Variants in TMEM117 observed in about 807,000 individuals in gnomAD.
TMEM117 encodes transmembrane protein 117.
Under a neutral mutation model 52.4 loss-of-function variants are expected in TMEM117, and 27 were observed. The ratio of observed to expected loss-of-function variants is 0.51; its 90% CI spans 0.38 to 0.71. The LOEUF (loss-of-function observed/expected upper bound fraction) is 0.71. TMEM117 is among the 30% of genes least tolerant of loss of function. The probability of loss-of-function intolerance (pLI) is 0.00; values close to 1 mark genes in which losing one functional copy is unlikely to be tolerated. For synonymous variants in TMEM117, 215 were observed against 206.3 expected (o/e 1.04, Z -0.36); for missense variants, 556 against 630.5 (o/e 0.88, Z 1.26).
chr12:44,240,233 A>G (rs936434701), intron 5 of TMEM117, among the ~76,000 whole-genome samples: 1 of 152,148 alleles, frequency 6.6e-6, no homozygotes, highest in Non-Finnish European at 1.5e-5. Flanking sequence ...ATTCTAATTT[A>G]TGGGTCACAG....
chr12:43,943,949 A>C (rs1333594461), intron 2 of TMEM117, among the ~76,000 whole-genome samples: 1 of 152,244 alleles, frequency 6.6e-6, no homozygotes. Flanking sequence ...ATGATGAACT[A>C]TCTCTGAACA....
At chr12:43,823,922 A>C in the TMEM117 span, among the ~76,000 whole-genome samples, 1 of 152,220 alleles carries the variant, frequency 6.6e-6, no homozygotes, top group Admixed American at 6.5e-5. Flanking sequence ...GATAAGAAAC[A>C]TTTGTGCCAG....
chr12:44,027,173 T>A (rs1455923321), intron 3 of TMEM117, among the ~76,000 whole-genome samples: 1 of 143,524 alleles, frequency 7.0e-6, no homozygotes, highest in Non-Finnish European at 1.5e-5. Context: ...TATTTTATTT[T>A]ATTTTATTTT....
chr12:44,240,381 G>A (rs1457283610), intron 5 of TMEM117, among the ~76,000 whole-genome samples: 2 of 152,046 alleles, frequency 1.3e-5, no homozygotes, highest in African/African-American at 4.8e-5. Flanking sequence ...TTTATACCCT[G>A]TTGGCTCAAA....
chr12:43,872,455 A>G (rs968746279), intron 2 of TMEM117, among the ~76,000 whole-genome samples: 3 of 152,230 alleles, frequency 2.0e-5, no homozygotes, highest in African/African-American at 4.8e-5. Flanking sequence ...GGTATTAAGA[A>G]ATAACTTTTC....
intron 3 of TMEM117, among the ~76,000 whole-genome samples, chr12:44,051,678 G>C (rs1016553926): frequency 1.3e-5 from 2 of 152,150 alleles, no homozygotes; most frequent in East Asian, 1.9e-4. Flanking sequence ...TGCATAAAAT[G>C]GTAACGAGAC....
chr12:44,210,357 A>G (rs919606648), intron 4 of TMEM117, among the ~76,000 whole-genome samples: 1 of 152,160 alleles, frequency 6.6e-6, no homozygotes, highest in Non-Finnish European at 1.5e-5. Flanking sequence ...TAATAGATTA[A>G]CTATTTATAA....
chr12:44,194,391 G>A (rs1049618163), intron 4 of TMEM117, among the ~76,000 whole-genome samples: 1 of 152,166 alleles, frequency 6.6e-6, no homozygotes, highest in Non-Finnish European at 1.5e-5. Context: ...CAGTAGAATG[G>A]TGATATTGAT....
At chr12:44,089,874 CAAAT>C (rs1292712239) in intron 3 of TMEM117, among the ~76,000 whole-genome samples, 2 of 152,278 alleles carry the variant, frequency 1.3e-5, no homozygotes, top group African/African-American at 4.8e-5. Flanking sequence ...AATTCTTAAA[CAAAT>C]AGGTGTGGCT....
Position 44,212,531 on chromosome 12 carries a change from A to G in TMEM117, c.608+1144A>G, listed in dbSNP as rs1407540784. Among the ~76,000 whole-genome samples the G allele has an allele frequency of 3.3e-5, 5 of 152,214 alleles. No homozygotes were observed. The East Asian group carries it at 5.8e-4, about 18-fold the overall frequency. ...AAAAAGATCATACACTGAGGTTAAC[A>G]TATCGTATGCTGAGAAATATGGTAA... On this transcript the variant is annotated intron_variant, in intron 5 of 7. Transcript: ENST00000266534.
chr12:43,804,602 T>C, the TMEM117 span: 1 of 1,469,832 alleles, frequency 6.8e-7, no homozygotes, highest in Non-Finnish European at 9.3e-7. Context: ...AAGTAAACTT[T>C]TTATACTTAC....
At chr12:43,818,420 G>GTTT in the TMEM117 span, among the ~76,000 whole-genome samples, 3 of 142,628 alleles carry the variant, frequency 2.1e-5, no homozygotes, top group African/African-American at 7.8e-5. Flanking sequence ...ATTTGTATCT[G>GTTT]TTTTTTTTTT....
chr12:44,370,548 G>T (rs1043559749), intron 6 of TMEM117, among the ~76,000 whole-genome samples: 1 of 132,930 alleles, frequency 7.5e-6, no homozygotes, highest in Non-Finnish European at 1.5e-5. Context: ...TCACTGTGTC[G>T]CCCAGGCTGG....
intron 4 of TMEM117, among the ~76,000 whole-genome samples, chr12:44,155,759 G>A (rs114883713): frequency 6.6e-6 from 1 of 152,122 alleles, no homozygotes; most frequent in African/African-American, 2.4e-5. Context: ...TATCACTAAT[G>A]CAAAGTAGGA....
At chr12:43,842,272 A>G (rs866454433) in intron 1 of TMEM117, among the ~76,000 whole-genome samples, 2 of 152,182 alleles carry the variant, frequency 1.3e-5, no homozygotes, top group African/African-American at 4.8e-5. Context: ...TGAGCCTCAT[A>G]CTGAAAAATA....
At chr12:44,326,684 C>A (rs1951200151) in intron 6 of TMEM117, among the ~76,000 whole-genome samples, 1 of 152,188 alleles carries the variant, frequency 6.6e-6, no homozygotes, top group African/African-American at 2.4e-5. Flanking sequence ...TCATATCACT[C>A]CCCTATTTGG....
At chr12:43,950,051 CAAGGGCTTTTCTTTT>C (rs1372078753) in intron 3 of TMEM117, among the ~76,000 whole-genome samples, 1 of 152,132 alleles carries the variant, frequency 6.6e-6, no homozygotes, top group Non-Finnish European at 1.5e-5. Flanking sequence ...TTTGATTTAT[CAAGGGCTTTTCTTTT>C]AGTGAAAAAA....
At chr12:43,894,896 A>G (rs769035631) in intron 2 of TMEM117, among the ~76,000 whole-genome samples, 19 of 152,262 alleles carry the variant, frequency 1.2e-4, no homozygotes, top group Middle Eastern at 6.8e-3. Context: ...CTTAGAAAAT[A>G]TATACAGAAA....
At chr12:44,365,090 A>G (rs1951772216) in intron 6 of TMEM117, among the ~76,000 whole-genome samples, 1 of 152,076 alleles carries the variant, frequency 6.6e-6, no homozygotes, top group Admixed American at 6.6e-5. Context: ...TAGAAATATG[A>G]TAAGTTTAGA....
Sources: allele counts gnomAD v4.1 joint callset (sites outside exome capture counted in the v4.1 genomes callset), GRCh38; gene constraint gnomAD v4.1.1; transcripts MANE v1.5; gene names NCBI Gene and HGNC (gene_info 2026-07-23, HGNC 2026-07-21).